Variants in SDK1 observed in about 807,000 individuals in gnomAD.
SDK1 encodes sidekick cell adhesion molecule 1.
In SDK1, 157 loss-of-function variants were observed where a neutral mutation model predicts 245.5. The observed-to-expected ratio is 0.64, with a 90% CI of 0.56 to 0.73. The LOEUF (loss-of-function observed/expected upper bound fraction) is 0.73. Among genes scored for constraint, SDK1 ranks in the 30% least tolerant of loss-of-function variants. SDK1 has a pLI of 0.00. For synonymous variants in SDK1, 1,647 were observed against 1,278.5 expected (o/e 1.29, Z -6.15); for missense variants, 3,583 against 3,002.3 (o/e 1.19, Z -4.52).
chr7:3,539,043 T>C (rs1778977739), intron 1 of SDK1, among the ~76,000 whole-genome samples: 1 of 151,846 alleles, frequency 6.6e-6, no homozygotes, highest in South Asian at 2.1e-4. Context: ...TGTCTGGTTG[T>C]TGTTTGTTGA....
At position 3,323,866 on chromosome 7, in the gene SDK1, T is replaced by G. The variant is rs183968641; in HGVS notation, c.298+21982T>G. On this transcript the variant is annotated intron_variant, in intron 1 of 44. Coordinates refer to ENST00000404826, the MANE Select transcript of SDK1 (RefSeq NM_152744.4). The stretch of plus-strand genomic sequence containing the variant: ...GCCTAGCACAGTGTTTATAGTTTAT[T>G]GATCTGTAGATAGGTTGGGTAAAGG... Among the ~76,000 whole-genome samples, 136 of 152,322 alleles carry G rather than the reference T, an allele frequency of 8.9e-4. 1 individual carries two copies. The highest frequency in any genetic ancestry group is 1.6e-3 in the African/African-American group (68 of 41,578).
chr7:3,362,185 A>G (rs1352431534), intron 1 of SDK1, among the ~76,000 whole-genome samples: 2 of 152,214 alleles, frequency 1.3e-5, no homozygotes, highest in Non-Finnish European at 2.9e-5. Context: ...ACCCTGGGAG[A>G]ACCCTATATA....
intron 44 of SDK1, among the ~76,000 whole-genome samples, chr7:4,259,052 C>T (rs1703835789): frequency 6.6e-6 from 1 of 152,198 alleles, no homozygotes; most frequent in Non-Finnish European, 1.5e-5. Flanking sequence ...TGGCTTCCTT[C>T]AGATGATCTT....
At chr7:3,879,777 C>T (rs1267651968) in intron 5 of SDK1, among the ~76,000 whole-genome samples, 1 of 152,182 alleles carries the variant, frequency 6.6e-6, no homozygotes, top group Non-Finnish European at 1.5e-5. Context: ...GAAGTTATAG[C>T]CTGGGCTGTA....
At chr7:3,534,072 C>T (rs775832466) in intron 1 of SDK1, among the ~76,000 whole-genome samples, 1 of 152,160 alleles carries the variant, frequency 6.6e-6, no homozygotes, top group African/African-American at 2.4e-5. Flanking sequence ...CATTTGGCCT[C>T]CCTGCCCGAC....
chr7:4,011,094 T>C lies in SDK1; in HGVS notation c.2260T>C (p.Tyr754His). Residue 754 changes from tyrosine (Y) to histidine (H), a missense_variant, in exon 15 of 45, where the codon TAC becomes CAC. By Grantham distance (83) the Tyr-to-His change is moderately conservative. Transcript: ENST00000404826. The stretch of plus-strand genomic sequence containing the variant: ...GGTGAATGAAGTGGGCAGGGGCCAG[T>C]ACAGCGCCGAGACAAGCAGGTGCGT... Reference protein sequence around the residue: ...CAVNEVGRGQYSAETSRLMLP... With the variant: ...CAVNEVGRGQHSAETSRLMLP... The C allele has an allele frequency of 6.2e-7, 1 of 1,613,996 alleles. No homozygotes were observed. The highest frequency in any genetic ancestry group is 8.5e-7 in the Non-Finnish European group (1 of 1,180,022).
chr7:3,964,187 G>A (rs4720127), intron 9 of SDK1, among the ~76,000 whole-genome samples: 1 of 152,184 alleles, frequency 6.6e-6, no homozygotes, highest in African/African-American at 2.4e-5. Flanking sequence ...GGGTAATGTG[G>A]CCAGAAGTGG....
At position 3,796,274 on chromosome 7, in the gene SDK1, C is replaced by T. The variant is rs565580113; in HGVS notation, c.714-25176C>T. Among the ~76,000 whole-genome samples the T allele has an allele frequency of 5.8e-4, 88 of 152,330 alleles. No homozygotes were observed. The South Asian group carries it at 0.016, about 27-fold the overall frequency. On this transcript the variant is annotated intron_variant, in intron 4 of 44. Transcript: ENST00000404826. ...AAGCTATGCTAAAGCATTTATCCTC[C>T]GTGTCCACGGATGGTCAGAGGAAAT...
intron 25 of SDK1, among the ~76,000 whole-genome samples, chr7:4,123,827 T>C (rs1056293349): frequency 6.6e-6 from 1 of 152,218 alleles, no homozygotes; most frequent in Admixed American, 6.5e-5. Context: ...GCAGCCGATC[T>C]AATGTCCATG....
intron 1 of SDK1, among the ~76,000 whole-genome samples, chr7:3,503,992 A>T (rs999518821): frequency 3.3e-5 from 5 of 151,962 alleles, no homozygotes; most frequent in Non-Finnish European, 2.9e-5. Flanking sequence ...TCTACTAAAA[A>T]TACAAAAATT....
chr7:3,546,339 C>T (rs1779224691), intron 1 of SDK1, among the ~76,000 whole-genome samples: 1 of 152,204 alleles, frequency 6.6e-6, no homozygotes, highest in African/African-American at 2.4e-5. Flanking sequence ...GTCTCTCGGC[C>T]CCTCTAATCC....
At chr7:3,839,123 C>CTT (rs1780096313) in intron 5 of SDK1, among the ~76,000 whole-genome samples, 1 of 152,134 alleles carries the variant, frequency 6.6e-6, no homozygotes, top group Non-Finnish European at 1.5e-5. Flanking sequence ...GGGATGGATC[C>CTT]GCCTGAGAAC....
intron 1 of SDK1, among the ~76,000 whole-genome samples, chr7:3,324,709 T>C (rs997767265): frequency 3.9e-5 from 6 of 152,208 alleles, no homozygotes; most frequent in African/African-American, 1.4e-4. Context: ...AACTGTTCTT[T>C]AGAAAAGTCA....
intron 1 of SDK1, among the ~76,000 whole-genome samples, chr7:3,581,450 C>G (rs756973379): frequency 6.6e-6 from 1 of 152,110 alleles, no homozygotes; most frequent in African/African-American, 2.4e-5. Context: ...CAATGAGATG[C>G]CATCTCACAT....
At chr7:4,138,582 A>C (rs1779248200) in intron 28 of SDK1, among the ~76,000 whole-genome samples, 1 of 152,088 alleles carries the variant, frequency 6.6e-6, no homozygotes, top group Admixed American at 6.5e-5. Flanking sequence ...CCCCGTTTCT[A>C]CTAAAAATAC....
chr7:3,657,130 G>A (rs1203842496), intron 4 of SDK1, among the ~76,000 whole-genome samples: 1 of 152,178 alleles, frequency 6.6e-6, no homozygotes, highest in Non-Finnish European at 1.5e-5. Context: ...GAACCCTAGG[G>A]AGAAAGGGAT....
chr7:3,788,708 G>T (rs995108918), intron 4 of SDK1, among the ~76,000 whole-genome samples: 1 of 152,340 alleles, frequency 6.6e-6, no homozygotes, highest in East Asian at 1.9e-4. Flanking sequence ...TTATGAATTT[G>T]TGTTGGGCTG....
intron 5 of SDK1, among the ~76,000 whole-genome samples, chr7:3,941,880 C>G (rs990097762): frequency 1.1e-4 from 16 of 150,858 alleles, no homozygotes; most frequent in Non-Finnish European, 1.9e-4. Flanking sequence ...GATAACCAGC[C>G]GTGGTATATT....
chr7:3,633,019 T>G (rs959108406), intron 2 of SDK1, among the ~76,000 whole-genome samples: 7 of 152,180 alleles, frequency 4.6e-5, no homozygotes, highest in Non-Finnish European at 1.0e-4. Context: ...AAAAGAGAAT[T>G]GATGTATTTC....
Sources: gnomAD v4.1 joint callset for allele counts (sites outside exome capture counted in the v4.1 genomes callset) on GRCh38, gnomAD v4.1.1 for gene constraint, MANE v1.5 for transcripts, NCBI Gene and HGNC (gene_info 2026-07-23, HGNC 2026-07-21) for gene names.